FAM120B: variants seen among roughly 807,000 people sequenced by gnomAD.
The protein encoded by FAM120B is family with sequence similarity 120 member B.
A neutral mutation model predicts 96.3 loss-of-function variants in FAM120B; 83 were observed. That is an observed-to-expected ratio of 0.86 (90% CI 0.72 to 1.03). The LOEUF (loss-of-function observed/expected upper bound fraction) is 1.03, where lower values mean the gene tolerates loss of function less well. FAM120B is among the 50% of genes least tolerant of loss of function. The pLI is 0.00. For synonymous variants in FAM120B, 407 were observed against 402.7 expected, an observed-to-expected ratio of 1.01 and a Z score of -0.13; for missense variants, 1,027 against 1,121.2, an observed-to-expected ratio of 0.92 and a Z score of 1.20.
rs868121837 is a variant in FAM120B at position 170,323,045 on chromosome 6, A to C, written c.1735-34A>C. On this transcript the variant is annotated intron_variant, in intron 2 of 10. Coordinates refer to ENST00000476287, the MANE Select transcript of FAM120B (RefSeq NM_032448.3). ...TTTGAAGGTTACTATCCTGTTTTTAAGGAGAAATTCAGTTGTATTTAAATT... is the reference window on the plus strand; with the variant it reads ...TTTGAAGGTTACTATCCTGTTTTTACGGAGAAATTCAGTTGTATTTAAATT... 1.9e-6 allele frequency: 3 copies of C among 1,567,720 alleles called. No homozygotes were observed. The Middle Eastern group carries it at 5.1e-4, about 269-fold the overall frequency.
At chr6:170,314,661 T>C (rs906629814) in intron 1 of FAM120B, among the ~76,000 whole-genome samples, 1 of 152,228 alleles carries the variant, frequency 6.6e-6, no homozygotes, top group African/African-American at 2.4e-5. Flanking sequence ...TATATGCTCT[T>C]AGCAATGAAA....
chr6:170,316,852 G>C (rs1289237357), intron 1 of FAM120B, among the ~76,000 whole-genome samples: 1 of 152,128 alleles, frequency 6.6e-6, no homozygotes, highest in Non-Finnish European at 1.5e-5. Flanking sequence ...GACAACCACT[G>C]ATCTGTTTTC....
At chr6:170,307,067 C>T (rs1784332599) in intron 1 of FAM120B, among the ~76,000 whole-genome samples, 1 of 152,256 alleles carries the variant, frequency 6.6e-6, no homozygotes, top group African/African-American at 2.4e-5. Context: ...TGCGCAGAAC[C>T]CTCCTGCCGA....
At chr6:170,348,043 C>T (rs1055326027) in intron 4 of FAM120B, 108 bp from the exon 5 acceptor site, 2 of 919,954 alleles carry the variant, frequency 2.2e-6, no homozygotes, top group East Asian at 5.1e-5. Context: ...GTTCCTTTTA[C>T]ATCAGGAAGG....
Position 170,295,563 on chromosome 6 carries a change from A to G in FAM120B, c.48+110A>G. 8.7e-6 allele frequency: 5 copies of G among 577,084 alleles called. No individual in the cohort carries two copies. The highest frequency in any genetic ancestry group is 1.2e-5 in the Non-Finnish European group (4 of 330,674). The allele number at this position is 577,084 out of a possible 1,614,324, so 35.7% of individuals were successfully genotyped here. A position where few individuals can be genotyped will look rare whatever the true frequency, so the allele number is the denominator to read the frequency against. On this transcript the variant is annotated intron_variant, in intron 1 of 10. Transcript: ENST00000537664. This position sits in a 1 kb window ranked among gnomAD's most constrained non-coding sequence, Gnocchi z 7.8. ...GGGCAGCTCTGCGCGAAGGTGGGCG[A>G]CGGTGGGGGCACAAGAACAGCAGCC...
intron 3 of FAM120B, among the ~76,000 whole-genome samples, chr6:170,327,077 T>C (rs922813251): frequency 1.1e-4 from 17 of 149,482 alleles, no homozygotes; most frequent in African/African-American, 3.0e-4. Flanking sequence ...GATGGAGTCT[T>C]GCTCTGTCGC....
chr6:170,319,221 T>C (rs1785135321), intron 2 of FAM120B, 97 bp downstream of exon 2: 12 of 1,217,900 alleles, frequency 9.9e-6, no homozygotes, highest in Non-Finnish European at 1.4e-5. Flanking sequence ...GTTTGGCCAC[T>C]GAGAGGATGC....
intron 4 of FAM120B, among the ~76,000 whole-genome samples, chr6:170,333,363 C>A (rs1786193712): frequency 6.6e-6 from 1 of 152,150 alleles, no homozygotes; most frequent in East Asian, 1.9e-4. Context: ...ACCATGCTGG[C>A]ACCTTGATCT....
Position 170,295,761 on chromosome 6 carries a change from C to A in FAM120B, c.48+308C>A, listed in dbSNP as rs570307558. ...AGAGAACAGGAAGACGGGCTCCAAC[C>A]CCACCTGGTTCGTGTCGGGGGGTCG... On this transcript the variant is annotated intron_variant, in intron 1 of 10. Transcript: ENST00000537664. The surrounding 1 kb of genome is among the most constrained non-coding windows in gnomAD (Gnocchi z 7.8). 3.9e-5 allele frequency among the ~76,000 whole-genome samples: 6 copies of A among 152,226 alleles called. No individual in the cohort carries two copies. The highest frequency in any genetic ancestry group is 2.1e-4 in the South Asian group (1 of 4,824).
intron 6 of FAM120B, among the ~76,000 whole-genome samples, chr6:170,364,674 T>C (rs1788662191): frequency 6.6e-6 from 1 of 152,154 alleles, no homozygotes; most frequent in Admixed American, 6.5e-5. Flanking sequence ...CTCTCTGGGG[T>C]TCTCTACAAT....
chr6:170,358,420 G>A, intron 6 of FAM120B, 102 bp downstream of exon 6: 2 of 862,848 alleles, frequency 2.3e-6, no homozygotes, highest in Non-Finnish European at 3.7e-6. Flanking sequence ...AGATCAGGAA[G>A]GTATTTTAGT....
At chr6:170,330,236 G>A (rs190737050) in intron 3 of FAM120B, among the ~76,000 whole-genome samples, 6 of 152,258 alleles carry the variant, frequency 3.9e-5, no homozygotes, top group Admixed American at 2.6e-4. Flanking sequence ...GGATTTTGTC[G>A]GTTCCACAGG....
intron 6 of FAM120B, among the ~76,000 whole-genome samples, chr6:170,385,479 G>A (rs1048609254): frequency 6.6e-6 from 1 of 152,206 alleles, no homozygotes; most frequent in Non-Finnish European, 1.5e-5. Context: ...GCAGGAACTA[G>A]TGAAATAGGA....
chr6:170,297,766 G>T (rs1376475957), intron 1 of FAM120B: 1 of 152,228 alleles, frequency 6.6e-6, no homozygotes, highest in African/African-American at 2.4e-5. Context: ...AGTGCGGAGT[G>T]TGGCTCCCCA....
At chr6:170,296,982 C>T (rs2114975976) in intron 1 of FAM120B, among the ~76,000 whole-genome samples, 1 of 152,374 alleles carries the variant, frequency 6.6e-6, no homozygotes, top group African/African-American at 2.4e-5. Flanking sequence ...GCACCTGTCG[C>T]TCCTGGTTCC....
rs536475704 is a variant in FAM120B, at chr6:170,301,083, G to T, written c.48+5630G>T. On this transcript the variant is annotated intron_variant, in intron 1 of 10. Transcript: ENST00000537664. The stretch of plus-strand genomic sequence containing the variant: ...GGATATGACCCCACATTTCCTTTCT[G>T]CACTGCCCTAGCAGAGCTTCTCCAT... Among the ~76,000 whole-genome samples, 22 of 152,354 alleles carry T rather than the reference G, an allele frequency of 1.4e-4. No homozygotes were observed. The East Asian group carries it at 4.3e-3, about 29-fold the overall frequency.
intron 2 of FAM120B, among the ~76,000 whole-genome samples, chr6:170,319,466 A>G (rs949428525): frequency 1.3e-5 from 2 of 152,174 alleles, no homozygotes; most frequent in Non-Finnish European, 2.9e-5. Flanking sequence ...TCAGGAGTTC[A>G]AGACCAGCCT....
intron 6 of FAM120B, among the ~76,000 whole-genome samples, chr6:170,361,182 C>CTATATATATATACGTATATATG (rs1562566358): frequency 5.7e-4 from 43 of 75,504 alleles, no homozygotes; most frequent in South Asian, 1.9e-3. Context: ...AGCCTTAAAA[C>CTATATATATATACGTATATATG]TATATATATA....
chr6:170,397,593 G>T (rs905926936), intron 9 of FAM120B, among the ~76,000 whole-genome samples: 1 of 152,144 alleles, frequency 6.6e-6, no homozygotes, highest in Non-Finnish European at 1.5e-5. Context: ...AATGCTCAAG[G>T]TCTGCAGACC....
Sources: allele counts gnomAD v4.1 joint callset (sites outside exome capture counted in the v4.1 genomes callset), GRCh38; gene constraint gnomAD v4.1.1; non-coding constraint Gnocchi (gnomAD v3.1); transcripts MANE v1.5; gene names NCBI Gene and HGNC (gene_info 2026-07-23, HGNC 2026-07-21).